Variants in TOP6BL observed in about 807,000 individuals in gnomAD.
TOP6BL encodes the protein TOP6B like initiator of meiotic double strand breaks, also known as type 2 DNA topoisomerase 6 subunit B-like.
the TOP6BL span, chr11:66,762,002 G>A: frequency 1.3e-6 from 2 of 1,563,720 alleles, no homozygotes; most frequent in Admixed American, 1.7e-5. Context: ...GTGGGATGCT[G>A]TTGTTAATAT....
the TOP6BL span, among the ~76,000 whole-genome samples, chr11:66,819,252 A>AT: frequency 2.5e-4 from 37 of 149,206 alleles, no homozygotes; most frequent in African/African-American, 6.6e-4. Flanking sequence ...TGATTAACTC[A>AT]TTTTTTTTTT....
At chr11:66,825,158 C>A in the TOP6BL span, among the ~76,000 whole-genome samples, 1 of 151,788 alleles carries the variant, frequency 6.6e-6, no homozygotes, top group East Asian at 2.0e-4. Context: ...GCTACTGTGC[C>A]CAGCCGGATT....
the TOP6BL span, chr11:66,758,985 C>A: frequency 7.7e-7 from 1 of 1,295,380 alleles, no homozygotes; most frequent in Non-Finnish European, 1.1e-6. Context: ...TCATTTGATT[C>A]TTTCAATAGA....
the TOP6BL span, among the ~76,000 whole-genome samples, chr11:66,820,771 A>G: frequency 6.6e-6 from 1 of 152,192 alleles, no homozygotes; most frequent in Non-Finnish European, 1.5e-5. Context: ...TGTTGTTTAT[A>G]GTACATGGTA....
At chr11:66,798,840 G>A in the TOP6BL span, among the ~76,000 whole-genome samples, 3 of 151,946 alleles carry the variant, frequency 2.0e-5, no homozygotes, top group Middle Eastern at 3.4e-3. Flanking sequence ...TTGGGAGGCC[G>A]AGGTGGGTGG....
the TOP6BL span, among the ~76,000 whole-genome samples, chr11:66,835,632 C>T: frequency 3.9e-5 from 6 of 152,342 alleles, no homozygotes; most frequent in East Asian, 1.2e-3. Context: ...GTGGATTTGC[C>T]TATTCTGGAC....
At chr11:66,764,568 G>C in the TOP6BL span, among the ~76,000 whole-genome samples, 534 of 151,658 alleles carry the variant, frequency 3.5e-3, 5 homozygotes, top group African/African-American at 0.012. Context: ...GGGAGGCTGA[G>C]GCAGGAGAAT....
the TOP6BL span, among the ~76,000 whole-genome samples, chr11:66,789,493 A>T: frequency 1.3e-5 from 2 of 152,210 alleles, no homozygotes; most frequent in Non-Finnish European, 2.9e-5. Flanking sequence ...GTATGGTATC[A>T]GGACAACAGA....
At chr11:66,754,932 CAG>C in the TOP6BL span, among the ~76,000 whole-genome samples, 1 of 152,174 alleles carries the variant, frequency 6.6e-6, no homozygotes, top group African/African-American at 2.4e-5. Context: ...CATTTTTCAA[CAG>C]ACTCTCCTTA....
At chr11:66,838,835 C>A in the TOP6BL span, among the ~76,000 whole-genome samples, 3 of 152,138 alleles carry the variant, frequency 2.0e-5, no homozygotes, top group African/African-American at 7.2e-5. Context: ...GGGTTCACAC[C>A]ATTCTCCTGC....
the TOP6BL span, chr11:66,842,769 C>G: frequency 7.3e-7 from 1 of 1,375,946 alleles, no homozygotes; most frequent in Non-Finnish European, 9.8e-7. Context: ...GGCGCCCGTT[C>G]TCCCAGGCTT....
chr11:66,809,792 C>T, the TOP6BL span, among the ~76,000 whole-genome samples: 2 of 152,146 alleles, frequency 1.3e-5, no homozygotes, highest in African/African-American at 4.8e-5. Flanking sequence ...CAACCTCGAA[C>T]TTCTGGGGTT....
the TOP6BL span, among the ~76,000 whole-genome samples, chr11:66,784,813 C>A: frequency 6.6e-6 from 1 of 152,120 alleles, no homozygotes; most frequent in African/African-American, 2.4e-5. Flanking sequence ...TCTGAGTAAT[C>A]CTGCTATGAG....
chr11:66,794,044 C>T, the TOP6BL span, among the ~76,000 whole-genome samples: 18 of 145,950 alleles, frequency 1.2e-4, no homozygotes, highest in African/African-American at 3.8e-4. Flanking sequence ...CCCAGAAGTT[C>T]GAGGTTACAG....
the TOP6BL span, among the ~76,000 whole-genome samples, chr11:66,802,105 T>G: frequency 1.3e-5 from 2 of 152,054 alleles, no homozygotes; most frequent in African/African-American, 4.8e-5. Flanking sequence ...TTTTCCCACC[T>G]CAGCCTCTCG....
the TOP6BL span, chr11:66,828,914 G>C: frequency 1.3e-5 from 2 of 151,792 alleles, no homozygotes; most frequent in African/African-American, 4.8e-5. Context: ...CCCCAACTAA[G>C]GAAATTCTAG....
At chr11:66,815,944 G>C in the TOP6BL span, 2 of 1,118,064 alleles carry the variant, frequency 1.8e-6, no homozygotes, top group Non-Finnish European at 2.5e-6. Context: ...TTCAGATTTA[G>C]ATCTCCTATT....
At chr11:66,790,600 A>G in the TOP6BL span, among the ~76,000 whole-genome samples, 1 of 152,236 alleles carries the variant, frequency 6.6e-6, no homozygotes, top group Non-Finnish European at 1.5e-5. Context: ...GTATGATCAA[A>G]ACAAACATTT....
chr11:66,822,100 C>G, the TOP6BL span, among the ~76,000 whole-genome samples: 1 of 152,198 alleles, frequency 6.6e-6, no homozygotes, highest in Non-Finnish European at 1.5e-5. Flanking sequence ...TTCGCTGTGT[C>G]TTACATTCTT....
Sources: allele counts gnomAD v4.1 joint callset (sites outside exome capture counted in the v4.1 genomes callset), GRCh38; gene constraint gnomAD v4.1.1; transcripts MANE v1.5; gene names NCBI Gene and HGNC (gene_info 2026-07-23, HGNC 2026-07-21).